VPS53: variants seen among roughly 807,000 people sequenced by gnomAD.
The protein encoded by VPS53 is vacuolar protein sorting-associated protein 53 homolog.
In VPS53, 70 loss-of-function variants were observed where a neutral mutation model predicts 107.0. The ratio of observed to expected loss-of-function variants is 0.65; its 90% CI spans 0.54 to 0.80. VPS53 has a LOEUF of 0.80. Ranked by LOEUF, VPS53 falls within the 30% of genes least tolerant of loss-of-function variation. The pLI, the probability that VPS53 is intolerant of heterozygous loss-of-function variation, is 0.00. For missense variants in VPS53, 917 were observed against 1,049.4 expected (o/e 0.87, Z 1.74); for synonymous variants, 409 against 393.3 (o/e 1.04, Z -0.47).
intron 7 of VPS53, among the ~76,000 whole-genome samples, chr17:631,878 A>G (rs979682738): frequency 6.6e-6 from 1 of 152,074 alleles, no homozygotes; most frequent in African/African-American, 2.4e-5. Context: ...ACCTGAGGTC[A>G]TATGTATTAA....
intron 12 of VPS53, among the ~76,000 whole-genome samples, chr17:591,622 T>C (rs1967656174): frequency 6.6e-6 from 1 of 152,352 alleles, no homozygotes; most frequent in Non-Finnish European, 1.5e-5. Context: ...ATTTCTGCCT[T>C]CATTTCGTTA....
chr17:618,826 G>A (rs569293966), intron 11 of VPS53, among the ~76,000 whole-genome samples: 1 of 150,266 alleles, frequency 6.7e-6, no homozygotes, highest in South Asian at 2.1e-4. Context: ...TGGGTAGCAG[G>A]GACTACACGT....
chr17:708,073 C>T (rs527675903), intron 2 of VPS53, among the ~76,000 whole-genome samples: 25 of 152,198 alleles, frequency 1.6e-4, no homozygotes, highest in Non-Finnish European at 2.5e-4. Context: ...TCCAGCCCTA[C>T]GGGGCCTTGT....
rs12453091 is a variant in VPS53, at chr17:554,182, C to T, written c.1705-720G>A. Among the ~76,000 whole-genome samples, 2,786 of 152,230 alleles carry T rather than the reference C, an allele frequency of 0.018. 118 individuals are homozygous for T. In the East Asian group the frequency reaches 0.19, roughly 11 times the overall value. ...CTAAAATAGTCAGTGAATGCTACTA[C>T]GGGCCAAGCACCTCATTAAGGCATT... On this transcript the variant is annotated intron_variant, in intron 15 of 21. Transcript: ENST00000437048.
intron 7 of VPS53, 24 bp downstream of exon 7, chr17:653,267 A>G: frequency 6.2e-7 from 1 of 1,610,650 alleles, no homozygotes; most frequent in Non-Finnish European, 8.5e-7. Flanking sequence ...ATCCCCATAT[A>G]CTTTCCCTCT....
At chr17:654,430 A>G (rs1971089558) in intron 6 of VPS53, among the ~76,000 whole-genome samples, 1 of 152,056 alleles carries the variant, frequency 6.6e-6, no homozygotes, top group African/African-American at 2.4e-5. Flanking sequence ...ATGATTTTCC[A>G]TAAGAAGCAT....
At chr17:528,887 T>C (rs893341426) in intron 19 of VPS53, among the ~76,000 whole-genome samples, 1 of 152,090 alleles carries the variant, frequency 6.6e-6, no homozygotes, top group African/African-American at 2.4e-5. Flanking sequence ...GTGTGAACCA[T>C]GCACCCTGCC....
chr17:694,201 C>T (rs1202207053), intron 4 of VPS53, among the ~76,000 whole-genome samples: 1 of 152,198 alleles, frequency 6.6e-6, no homozygotes, highest in African/African-American at 2.4e-5. Context: ...GAGACGAATA[C>T]AAAGTTCCAT....
intron 14 of VPS53, among the ~76,000 whole-genome samples, chr17:561,071 C>T (rs948741947): frequency 3.3e-5 from 5 of 152,206 alleles, no homozygotes; most frequent in African/African-American, 1.2e-4. Flanking sequence ...GAAAAGTCTG[C>T]ACTGGGACTC....
At position 647,206 on chromosome 17, in the gene VPS53, C is replaced by A. The variant is rs186404631; in HGVS notation, c.608+6085G>T. On this transcript the variant is annotated intron_variant, in intron 7 of 21. Transcript: ENST00000437048. The stretch of plus-strand genomic sequence containing the variant: ...AGATTAAAACAGAATTTGTCTATGA[C>A]CCCTGCCCTCAGCCCCTGCTTCAGC... Among the ~76,000 whole-genome samples, 554 of 152,288 alleles carry A rather than the reference C, an allele frequency of 3.6e-3. 1 individual carries two copies. Among genetic ancestry groups the A allele is most frequent in the Non-Finnish European group, 6.6e-3 (446 of 68,016 alleles).
At chr17:634,551 C>T (rs1375802523) in intron 7 of VPS53, among the ~76,000 whole-genome samples, 1 of 123,802 alleles carries the variant, frequency 8.1e-6, no homozygotes, top group Admixed American at 8.7e-5. Context: ...CCCCCTCCCC[C>T]CACCCCACAA....
At chr17:569,541 A>C (rs1913847311) in intron 13 of VPS53, among the ~76,000 whole-genome samples, 1 of 152,248 alleles carries the variant, frequency 6.6e-6, no homozygotes, top group Non-Finnish European at 1.5e-5. Context: ...GTCCATGCTG[A>C]CATAGACATA....
At chr17:548,207 C>A (rs1391221017) in intron 17 of VPS53, among the ~76,000 whole-genome samples, 1 of 152,220 alleles carries the variant, frequency 6.6e-6, no homozygotes. Flanking sequence ...AATGAAAGCT[C>A]TATATGCCAA....
intron 7 of VPS53, among the ~76,000 whole-genome samples, chr17:638,541 C>T (rs965493227): frequency 1.3e-5 from 2 of 152,178 alleles, no homozygotes; most frequent in African/African-American, 4.8e-5. Context: ...CATGTTTTTG[C>T]AGTGGCTAGT....
At chr17:537,523 G>A (rs979875244) in intron 17 of VPS53, 3 of 183,182 alleles carry the variant, frequency 1.6e-5, no homozygotes, top group East Asian at 1.5e-4. Flanking sequence ...GCAGCAGAAC[G>A]GGGAGGGACA....
chr17:528,567 T>A (rs1440825179), intron 19 of VPS53, among the ~76,000 whole-genome samples: 1 of 151,814 alleles, frequency 6.6e-6, no homozygotes, highest in Non-Finnish European at 1.5e-5. Context: ...TGTACAAGCT[T>A]TTGTGTGAAC....
intron 11 of VPS53, among the ~76,000 whole-genome samples, chr17:609,343 C>T (rs1256719582): frequency 6.6e-6 from 1 of 152,210 alleles, no homozygotes; most frequent in African/African-American, 2.4e-5. Flanking sequence ...ATTCCTTTTA[C>T]GTGAATAATA....
chr17:700,603 C>T (rs1385696266), intron 2 of VPS53, among the ~76,000 whole-genome samples: 1 of 152,032 alleles, frequency 6.6e-6, no homozygotes, highest in African/African-American at 2.4e-5. Flanking sequence ...ATTGACTATG[C>T]ACTACTACTG....
chr17:632,338 A>C (rs2143173802), intron 7 of VPS53, among the ~76,000 whole-genome samples: 1 of 152,238 alleles, frequency 6.6e-6, no homozygotes, highest in South Asian at 2.1e-4. Flanking sequence ...CAGAATGGCA[A>C]GAGGGCTCCA....
Sources: gnomAD v4.1 joint callset for allele counts (sites outside exome capture counted in the v4.1 genomes callset) on GRCh38, gnomAD v4.1.1 for gene constraint, MANE v1.5 for transcripts, NCBI Gene and HGNC (gene_info 2026-07-23, HGNC 2026-07-21) for gene names.